Variants in TOP3B observed in about 807,000 individuals in gnomAD.
TOP3B encodes DNA topoisomerase 3-beta-1.
Under a neutral mutation model 93.9 loss-of-function variants are expected in TOP3B, and 45 were observed. That is an observed-to-expected ratio of 0.48 (90% confidence interval 0.38 to 0.61). The LOEUF (loss-of-function observed/expected upper bound fraction) is 0.61. Ranked by LOEUF, TOP3B falls within the 20% of genes least tolerant of loss-of-function variation. The pLI is 0.00. For missense variants in TOP3B, 750 were observed against 1,156.1 expected (o/e 0.65, Z 5.09); for synonymous variants, 357 against 472.6 (o/e 0.76, Z 3.17).
In TOP3B at chr22:21,962,980, C is replaced by T. The variant is rs181517954; in HGVS notation, c.1205-87G>A. 1.6e-4 allele frequency: 243 copies of T among 1,516,436 alleles called. No homozygotes were observed. In the African/African-American group the frequency reaches 2.9e-3, roughly 18 times the overall value. The allele number at this position is 1,516,436 out of a possible 1,614,324, so 93.9% of individuals were successfully genotyped here. On this transcript the variant is annotated intron_variant, in intron 11 of 17. Transcript: ENST00000357179. ...CCAGTACTCTCGCTCGAGCAGCAAG[C>T]TCCTGCTTACAGAGCCGCTGTGCAG...
intron 3 of TOP3B, 91 bp from the exon 4 acceptor site, chr22:21,972,809 T>G: frequency 9.6e-7 from 1 of 1,046,962 alleles, no homozygotes; most frequent in Non-Finnish European, 1.5e-6. Context: ...ATCCCACAAA[T>G]GAGGAGGGGA....
intron 7 of TOP3B, 98 bp from the exon 8 acceptor site, chr22:21,967,814 G>T: frequency 1.1e-6 from 1 of 930,616 alleles, no homozygotes; most frequent in Non-Finnish European, 1.7e-6. Flanking sequence ...GTCCTTGTCT[G>T]GGAGCCAAAT....
chr22:21,981,517 T>C (rs1336260224), intron 1 of TOP3B, among the ~76,000 whole-genome samples: 1 of 152,204 alleles, frequency 6.6e-6, no homozygotes, highest in Non-Finnish European at 1.5e-5. Flanking sequence ...TTTTGCTTTG[T>C]GCATTCTCAC....
chr22:21,959,622 T>C lies in TOP3B; in HGVS notation c.1769A>G (p.Lys590Arg), dbSNP rs774228160. Residue 590 changes from lysine to arginine, a missense_variant, in exon 15 of 18, where the codon AAG becomes AGG. Coordinates refer to ENST00000357179, the MANE Select transcript of TOP3B (RefSeq NM_001282112.2). ...QVLGHTLDVF[K>R]RKFHYFVDSI... ...GTCGACAAAGTAGTGGAACTTCCTCTTGAACACGTCCAGGGTGTGGCCCAG... is the reference window on the plus strand; with the variant it reads ...GTCGACAAAGTAGTGGAACTTCCTCCTGAACACGTCCAGGGTGTGGCCCAG... The C allele has an allele frequency of 1.2e-6, 2 of 1,613,438 alleles. No homozygotes were observed. The highest frequency in any genetic ancestry group is 4.5e-5 in the East Asian group (2 of 44,856).
intron 17 of TOP3B, chr22:21,958,003 C>T (rs1204906779): frequency 1.5e-6 from 2 of 1,337,062 alleles, no homozygotes; most frequent in East Asian, 4.4e-5. Flanking sequence ...CAGACTGAGG[C>T]CTGAGGGAGC....
chr22:21,964,326 C>T lies in TOP3B; in HGVS notation c.944-11G>A. On this transcript the variant is annotated splice_polypyrimidine_tract_variant and intron_variant, in intron 9 of 17. Coordinates refer to ENST00000357179, the MANE Select transcript of TOP3B (RefSeq NM_001282112.2). ...GCTGCGGCCCCATGCCTGCGAGAGA[C>T]AGGAGGTTCTCAGAGGGCCAGGTAC... 2 of 1,612,858 alleles carry T rather than the reference C, an allele frequency of 1.2e-6. No individual in the cohort carries two copies. The highest frequency in any genetic ancestry group is 1.7e-6 in the Non-Finnish European group (2 of 1,179,946).
At chr22:21,977,542 A>C (rs2071927781) in intron 1 of TOP3B, 1 of 151,912 alleles carries the variant, frequency 6.6e-6, no homozygotes, top group South Asian at 2.1e-4. Context: ...CAAAAAAAAA[A>C]AAAAAAAAAA....
chr22:21,959,899 G>T, intron 14 of TOP3B, 163 bp from the exon 15 acceptor site: 2 of 960,562 alleles, frequency 2.1e-6, no homozygotes, highest in Non-Finnish European at 3.0e-6. Flanking sequence ...GTACCAGGCT[G>T]GCTCTTATGA....
rs751384903 is a variant in TOP3B at position 21,974,526 on chromosome 22, G to A, written c.71-38C>T. On this transcript the variant is annotated intron_variant, in intron 2 of 17. Coordinates refer to ENST00000357179, the MANE Select transcript of TOP3B (RefSeq NM_001282112.2). ...AAGCACAAAGTGACTGGCTGCTTCA[G>A]CTGAGCTGAAGACCCTGTGGAGACC... is the stretch of plus-strand genomic sequence containing the variant. 19 of 1,559,570 alleles carry A rather than the reference G, an allele frequency of 1.2e-5. No individual in the cohort carries two copies. In the African/African-American group the frequency reaches 1.6e-4, roughly 13 times the overall value.
chr22:21,969,495 G>T (rs899886547), intron 6 of TOP3B: 1 of 152,190 alleles, frequency 6.6e-6, no homozygotes, highest in African/African-American at 2.4e-5. Flanking sequence ...CAGCTAGTTG[G>T]GAGGCTGAGG....
Position 21,958,183 on chromosome 22 carries a change from C to T in TOP3B, c.2107+309G>A, listed in dbSNP as rs376348710. 1.4e-4 allele frequency: 182 copies of T among 1,281,008 alleles called. 3 individuals carry two copies. In the East Asian group the frequency reaches 4.1e-3, roughly 29 times the overall value. 79.4% of individuals were successfully genotyped at this position (1,281,008 alleles called of 1,614,324 possible). A position where few individuals can be genotyped will look rare whatever the true frequency, so the allele number is the denominator to read the frequency against. On this transcript the variant is annotated intron_variant, in intron 17 of 17. Coordinates refer to ENST00000357179, the MANE Select transcript of TOP3B (RefSeq NM_001282112.2). ...ACGCTGACTGGGGGTGCCCGCTCAC[C>T]GGGTGGGTCCCCCGACTGCTGCATC... is the stretch of plus-strand genomic sequence containing the variant.
intron 1 of TOP3B, among the ~76,000 whole-genome samples, chr22:21,977,946 A>ACCTGGGAGAAGAGT (rs1248794035): frequency 1.3e-5 from 2 of 151,926 alleles, no homozygotes; most frequent in African/African-American, 4.8e-5. Flanking sequence ...GCTGGGTGAC[A>ACCTGGGAGAAGAGT]CCTGGGAGAA....
intron 6 of TOP3B, chr22:21,969,810 T>C (rs2071558862): frequency 5.8e-6 from 1 of 171,442 alleles, no homozygotes; most frequent in Admixed American, 5.5e-5. Flanking sequence ...GTAGCACCTG[T>C]AGTGGAAGGC....
In TOP3B at chr22:21,968,774, AC is replaced by A. The variant is rs1279088759; in HGVS notation, c.582del (p.Arg194SerfsTer14). 6.2e-7 allele frequency: 1 copy of A among 1,614,084 alleles called. No individual in the cohort carries two copies. The highest frequency in any genetic ancestry group is 8.5e-7 in the Non-Finnish European group (1 of 1,179,964). On this transcript the variant is annotated frameshift_variant and splice_region_variant, in exon 7 of 18. Transcript: ENST00000357179. LOFTEE classifies it high-confidence loss of function. ...LDLRIGCAFTRFQTKYFQGKY... is the reference protein window; with the variant it reads ...LDLRIGCAFTXFQTKYFQGKY... ...TTCCCCTGGAAATATTTAGTCTGAA[AC>A]CTGGAGGGAGTGGAAAGATATTTTG...
rs1311475410 is a variant in TOP3B, at chr22:21,969,894, C to T, written c.581+316G>A. Reference sequence around the variant, plus strand: ...TGAGATTGTACCACTGCATTCCAGCCTAGGCAACAGAACAAGACTCTGTCT... The same window carrying T: ...TGAGATTGTACCACTGCATTCCAGCTTAGGCAACAGAACAAGACTCTGTCT... On this transcript the variant is annotated intron_variant, in intron 6 of 17. Transcript: ENST00000357179. 20 of 225,812 alleles carry T rather than the reference C, an allele frequency of 8.9e-5. 1 individual carries two copies. The East Asian group carries it at 1.6e-3, about 18-fold the overall frequency. The allele number at this position is 225,812 out of a possible 1,614,324, so 14.0% of individuals were successfully genotyped here.
chr22:21,969,659 AC>A (rs2071553630), intron 6 of TOP3B: 1 of 151,220 alleles, frequency 6.6e-6, no homozygotes, highest in South Asian at 2.2e-4. Context: ...GCAGTGGCTC[AC>A]ATGTGTAATC....
Position 21,960,340 on chromosome 22 carries a change from C to T in TOP3B, c.1635G>A (p.Val545=), listed in dbSNP as rs553457951. ...LKPTNLGIVL[V]HGYYKIDAEL... ...ACTCACCAATCTTATAGTAGCCGTGCACCAGGACGATGCCGAGGTTGGTGG... is the reference window on the plus strand; with the variant it reads ...ACTCACCAATCTTATAGTAGCCGTGTACCAGGACGATGCCGAGGTTGGTGG... Residue 545 remains valine (V), a synonymous_variant, in exon 14 of 18, where the codon GTG becomes GTA. Transcript: ENST00000357179. 4 of 1,613,556 alleles carry T rather than the reference C, an allele frequency of 2.5e-6. No homozygotes were observed. The highest frequency in any genetic ancestry group is 2.7e-5 in the African/African-American group (2 of 75,026).
At chr22:21,969,808 T>C (rs2071558724) in intron 6 of TOP3B, 1 of 170,396 alleles carries the variant, frequency 5.9e-6, no homozygotes, top group African/African-American at 2.4e-5. Flanking sequence ...CTGTAGCACC[T>C]GTAGTGGAAG....
At chr22:21,969,770 A>C (rs1677594937) in intron 6 of TOP3B, 1 of 156,574 alleles carries the variant, frequency 6.4e-6, no homozygotes, top group Admixed American at 6.1e-5. Flanking sequence ...AAAATGCATA[A>C]AAATTAGCCA....
Sources: gnomAD v4.1 joint callset for allele counts (sites outside exome capture counted in the v4.1 genomes callset) on GRCh38, gnomAD v4.1.1 for gene constraint, MANE v1.5 for transcripts, NCBI Gene and HGNC (gene_info 2026-07-23, HGNC 2026-07-21) for gene names.